RALGAPA1: variants seen among roughly 807,000 people sequenced by gnomAD.
RALGAPA1 encodes ral GTPase-activating protein subunit alpha-1.
Under a neutral mutation model 269.6 loss-of-function variants are expected in RALGAPA1, and 52 were observed. That is an observed-to-expected ratio of 0.19 (90% CI 0.15 to 0.24). RALGAPA1 has a LOEUF of 0.24. RALGAPA1 is among the 10% of genes least tolerant of loss of function. The pLI is 1.00. For missense variants in RALGAPA1, 1,917 were observed against 3,013.9 expected, an observed-to-expected ratio of 0.64 and a Z score of 8.52; for synonymous variants, 817 against 1,008.3, an observed-to-expected ratio of 0.81 and a Z score of 3.60.
At chr14:35,759,187 T>C (rs1485597037) in intron 6 of RALGAPA1, among the ~76,000 whole-genome samples, 3 of 152,252 alleles carry the variant, frequency 2.0e-5, no homozygotes, top group African/African-American at 7.2e-5. Flanking sequence ...GGTTCATTAA[T>C]ACATTTTATG....
chr14:35,625,327 T>G (rs760298767), intron 35 of RALGAPA1, 34 bp downstream of exon 35: 34 of 1,382,028 alleles, frequency 2.5e-5, no homozygotes, highest in Non-Finnish European at 3.4e-5. Context: ...TACCTGAGAG[T>G]TGCTAGTTAT....
At chr14:35,786,677 G>A (rs563751264) in intron 1 of RALGAPA1, among the ~76,000 whole-genome samples, 4 of 152,082 alleles carry the variant, frequency 2.6e-5, no homozygotes, top group African/African-American at 9.6e-5. Context: ...TCTCTCCACA[G>A]TATCTCTCAC....
At chr14:35,777,553 G>GA (rs1228810195) in intron 1 of RALGAPA1, among the ~76,000 whole-genome samples, 2 of 152,022 alleles carry the variant, frequency 1.3e-5, no homozygotes, top group African/African-American at 4.8e-5. Context: ...ATACAAAATA[G>GA]AATTTTTTGT....
chr14:35,671,228 A>G (rs961960762), intron 26 of RALGAPA1, among the ~76,000 whole-genome samples, 161 bp downstream of exon 26: 1 of 151,918 alleles, frequency 6.6e-6, no homozygotes, highest in African/African-American at 2.4e-5. Context: ...GTGCTTTCTT[A>G]TATTTCAGAT....
chr14:35,713,132 A>G (rs1467579131), intron 16 of RALGAPA1, among the ~76,000 whole-genome samples: 1 of 152,248 alleles, frequency 6.6e-6, no homozygotes, highest in Admixed American at 6.5e-5. Flanking sequence ...ACAAGAAGGT[A>G]GAAAACGGAT....
chr14:35,578,460 A>C (rs1320262720), intron 37 of RALGAPA1, among the ~76,000 whole-genome samples: 1 of 152,196 alleles, frequency 6.6e-6, no homozygotes, highest in African/African-American at 2.4e-5. Context: ...TCTATGATAT[A>C]ACCCTCAATC....
chr14:35,777,721 C>T (rs529817344), intron 1 of RALGAPA1, among the ~76,000 whole-genome samples: 1 of 152,132 alleles, frequency 6.6e-6, no homozygotes, highest in African/African-American at 2.4e-5. Context: ...CACTATCACA[C>T]CTGGCTAATT....
At position 35,685,205 on chromosome 14, in the gene RALGAPA1, G is replaced by T. The variant is rs2065815055; in HGVS notation, c.4078-60C>A. On this transcript the variant is annotated intron_variant, in intron 19 of 41. Coordinates refer to ENST00000680220, the MANE Select transcript of RALGAPA1 (RefSeq NM_001346249.2). ...AAGCTTTTATTCTCTTTAACCATCT[G>T]AAACCTTTAATTTCCAAACCATCAC... The T allele has an allele frequency of 2.1e-6, 3 of 1,424,384 alleles. No individual in the cohort carries two copies. The African/African-American group carries it at 4.3e-5, about 20-fold the overall frequency. The allele number at this position is 1,424,384 out of a possible 1,614,324, so 88.2% of individuals were successfully genotyped here.
intron 4 of RALGAPA1, chr14:35,766,459 G>C: frequency 6.4e-7 from 1 of 1,557,488 alleles, no homozygotes; most frequent in Non-Finnish European, 8.8e-7. Flanking sequence ...GAGTCTGAGG[G>C]GGCCAAAGCA....
At chr14:35,604,232 A>G (rs900652546) in intron 36 of RALGAPA1, among the ~76,000 whole-genome samples, 2 of 152,042 alleles carry the variant, frequency 1.3e-5, no homozygotes, top group Non-Finnish European at 1.5e-5. Flanking sequence ...AGTTCATTAC[A>G]CTCAATAACG....
chr14:35,683,539 T>A (rs2065651128), intron 21 of RALGAPA1: 2 of 253,968 alleles, frequency 7.9e-6, no homozygotes, highest in Non-Finnish European at 1.5e-5. Context: ...TTAAAATTTT[T>A]TTTTAATCCT....
At chr14:35,702,770 C>T (rs1156436645) in intron 16 of RALGAPA1, among the ~76,000 whole-genome samples, 10 of 146,488 alleles carry the variant, frequency 6.8e-5, no homozygotes, top group African/African-American at 2.5e-4. Flanking sequence ...GACGGAGTCT[C>T]GCTATGTCAC....
At chr14:35,720,587 G>C (rs1039679040) in intron 16 of RALGAPA1, among the ~76,000 whole-genome samples, 2 of 152,122 alleles carry the variant, frequency 1.3e-5, no homozygotes, top group Non-Finnish European at 2.9e-5. Flanking sequence ...TTTGTTTCAG[G>C]AATGAGCAGT....
chr14:35,727,165 G>A (rs1418863263), intron 13 of RALGAPA1, among the ~76,000 whole-genome samples: 1 of 151,220 alleles, frequency 6.6e-6, no homozygotes, highest in Admixed American at 6.6e-5. Context: ...GGAGTACTTA[G>A]TCAAAGCATA....
chr14:35,548,501 G>A lies in RALGAPA1; in HGVS notation c.*23+7C>T, dbSNP rs1433907137. 5.8e-6 allele frequency: 9 copies of A among 1,557,412 alleles called. No individual in the cohort carries two copies. The highest frequency in any genetic ancestry group is 2.4e-5 in the South Asian group (2 of 83,086). The stretch of plus-strand genomic sequence containing the variant: ...CAGAGGGTGTTTTGGTTGACACTTT[G>A]TCTTACCTTCAGATAAACAGAACTG... On this transcript the variant is annotated splice_region_variant and intron_variant, in intron 41 of 41. Coordinates refer to ENST00000680220, the MANE Select transcript of RALGAPA1 (RefSeq NM_001346249.2).
At position 35,576,724 on chromosome 14, in the gene RALGAPA1, A is replaced by G. The variant is rs576906503; in HGVS notation, c.7210-4006T>C. ...AGTAGTAATAATTATTATTATCCCTATTTTTACAGGAGAGGAATTGAAGCT... is the reference window on the plus strand; with the variant it reads ...AGTAGTAATAATTATTATTATCCCTGTTTTTACAGGAGAGGAATTGAAGCT... On this transcript the variant is annotated intron_variant, in intron 37 of 41. Coordinates refer to ENST00000680220, the MANE Select transcript of RALGAPA1 (RefSeq NM_001346249.2). Among the ~76,000 whole-genome samples, 9 of 152,318 alleles carry G rather than the reference A, an allele frequency of 5.9e-5. No individual in the cohort carries two copies. The South Asian group carries it at 1.7e-3, about 28-fold the overall frequency.
chr14:35,679,465 C>T (rs1332624717), intron 21 of RALGAPA1, among the ~76,000 whole-genome samples: 1 of 152,210 alleles, frequency 6.6e-6, no homozygotes, highest in African/African-American at 2.4e-5. Context: ...CTACCCTAAA[C>T]ATGCTCAGAA....
intron 33 of RALGAPA1, among the ~76,000 whole-genome samples, chr14:35,632,251 A>C (rs2061403556): frequency 6.6e-6 from 1 of 152,186 alleles, no homozygotes; most frequent in Non-Finnish European, 1.5e-5. Flanking sequence ...GAAGACATGA[A>C]ATTCTCTAGT....
intron 31 of RALGAPA1, among the ~76,000 whole-genome samples, chr14:35,640,643 C>T (rs573090396): frequency 1.3e-5 from 2 of 152,248 alleles, no homozygotes; most frequent in South Asian, 4.1e-4. Flanking sequence ...GGCTTCATTG[C>T]TAAATTCTAC....
Sources: gnomAD v4.1 joint callset for allele counts (sites outside exome capture counted in the v4.1 genomes callset) on GRCh38, gnomAD v4.1.1 for gene constraint, MANE v1.5 for transcripts, NCBI Gene and HGNC (gene_info 2026-07-23, HGNC 2026-07-21) for gene names.